RAI1: variants seen among roughly 807,000 people sequenced by gnomAD.
RAI1 encodes the protein retinoic acid induced 1.
RAI1 carries 9 observed loss-of-function variants against 123.8 expected under a neutral mutation model. The observed-to-expected ratio is 0.07, with a 90% CI of 0.04 to 0.13. RAI1 has a LOEUF of 0.13. Ranked by LOEUF, RAI1 falls within the 10% of genes least tolerant of loss-of-function variation. The pLI, the probability that RAI1 is intolerant of heterozygous loss-of-function variation, is 1.00. For synonymous variants in RAI1, 1,231 were observed against 1,127.3 expected (o/e 1.09, Z -1.84); for missense variants, 2,256 against 2,545.8 (o/e 0.89, Z 2.45).
At chr17:17,715,830 T>C (rs1200999281) in intron 1 of RAI1, among the ~76,000 whole-genome samples, 1 of 152,172 alleles carries the variant, frequency 6.6e-6, no homozygotes, top group Non-Finnish European at 1.5e-5. Flanking sequence ...ACTTGGAGGC[T>C]GTGAGAGGGC....
Position 17,797,403 on chromosome 17 carries a change from A to G in RAI1, c.4455A>G (p.Gln1485=). The part of the protein sequence containing the change: ...LTPRDRASGT[Q]GASEDNSGGG... ...CCCGAGACAGGGCCAGTGGCACACAAGGGGCCAGTGAGGACAACTCTGGTG... is the reference window on the plus strand; with the variant it reads ...CCCGAGACAGGGCCAGTGGCACACAGGGGGCCAGTGAGGACAACTCTGGTG... Residue 1485 remains glutamine (Q), a synonymous_variant, in exon 3 of 6, where the codon CAA becomes CAG. Coordinates refer to ENST00000353383, the MANE Select transcript of RAI1 (RefSeq NM_030665.4). The G allele has an allele frequency of 6.2e-7, 1 of 1,612,934 alleles. No homozygotes were observed. Among genetic ancestry groups the G allele is most frequent in the Non-Finnish European group, 8.5e-7 (1 of 1,179,816 alleles).
chr17:17,685,453 G>A lies in RAI1; in HGVS notation c.-149+3660G>A, dbSNP rs772374794. Among the ~76,000 whole-genome samples, 17 of 152,364 alleles carry A rather than the reference G, an allele frequency of 1.1e-4. No homozygotes were observed. Among genetic ancestry groups the A allele is most frequent in the Middle Eastern group, 3.4e-3 (1 of 294 alleles). On this transcript the variant is annotated intron_variant, in intron 1 of 5. Coordinates refer to ENST00000353383, the MANE Select transcript of RAI1 (RefSeq NM_030665.4). The surrounding 1 kb of genome is among the most constrained non-coding windows in gnomAD (Gnocchi z 4.0). ...GCCTTTGAGCAGGTGCTTCAGGCAC[G>A]GCGAGGTAAGAGTGAGAGGAGCATT... is the stretch of plus-strand genomic sequence containing the variant.
At chr17:17,749,127 G>A in intron 2 of RAI1, among the ~76,000 whole-genome samples, 1 of 152,228 alleles carries the variant, frequency 6.6e-6, no homozygotes, top group East Asian at 1.9e-4. Context: ...CTGAATGGCG[G>A]CCAGCATCTG....
At chr17:17,688,025 C>CAAAAAAAAAAAA (rs61049701) in intron 1 of RAI1, among the ~76,000 whole-genome samples, 2 of 90,074 alleles carry the variant, frequency 2.2e-5, no homozygotes, top group Non-Finnish European at 4.2e-5. Flanking sequence ...GACTCTGTCT[C>CAAAAAAAAAAAA]AAAAAAAAAA....
intron 1 of RAI1, among the ~76,000 whole-genome samples, chr17:17,710,342 G>A (rs993734741): frequency 2.0e-5 from 3 of 152,170 alleles, no homozygotes; most frequent in Non-Finnish European, 2.9e-5. Context: ...AGACCCCGGG[G>A]TACCCATCCC....
intron 3 of RAI1, among the ~76,000 whole-genome samples, chr17:17,803,474 GC>G (rs1363428474): frequency 1.3e-5 from 2 of 151,950 alleles, no homozygotes; most frequent in Admixed American, 1.3e-4. Flanking sequence ...TCGGCTCACT[GC>G]AGCCTCAACC....
chr17:17,748,499 C>T (rs1447965510), intron 2 of RAI1, among the ~76,000 whole-genome samples: 4 of 152,158 alleles, frequency 2.6e-5, no homozygotes, highest in Non-Finnish European at 2.9e-5. Context: ...TCACATACAT[C>T]GTCATGTTTA....
chr17:17,780,373 CT>C (rs995600778), intron 2 of RAI1, among the ~76,000 whole-genome samples: 1 of 152,086 alleles, frequency 6.6e-6, no homozygotes, highest in African/African-American at 2.4e-5. Flanking sequence ...GCCACCCACC[CT>C]TTTTTTCTCC....
In RAI1 at chr17:17,799,471, C is replaced by T. The variant is rs2143003961; in HGVS notation, c.5565+958C>T. ...GTGGGGTGCACCTCTCCCCCGGGGC[C>T]ATGCTTCTGCCCCCACATTCAACCC... On this transcript the variant is annotated intron_variant, in intron 3 of 5. Transcript: ENST00000353383. This position sits in a 1 kb window ranked among gnomAD's most constrained non-coding sequence, Gnocchi z 4.5. Among the ~76,000 whole-genome samples the T allele has an allele frequency of 6.6e-6, 1 of 152,240 alleles. No homozygotes were observed. The highest frequency in any genetic ancestry group is 2.1e-4 in the South Asian group (1 of 4,826).
chr17:17,714,392 T>C lies in RAI1; in HGVS notation c.-148-9636T>C, dbSNP rs1368039133. On this transcript the variant is annotated intron_variant, in intron 1 of 5. Transcript: ENST00000353383. The surrounding 1 kb of genome is among the most constrained non-coding windows in gnomAD (Gnocchi z 4.9). ...GCATAACCAAGTAGGATTTCCACAT[T>C]CAGTGTCTAGGCCATCGCTGTGAAA... 6.6e-6 allele frequency among the ~76,000 whole-genome samples: 1 copy of C among 152,198 alleles called. No individual in the cohort carries two copies. The highest frequency in any genetic ancestry group is 1.5e-5 in the Non-Finnish European group (1 of 68,034).
Position 17,793,762 on chromosome 17 carries a change from G to GCA in RAI1, c.814_815insCA (p.Gly272AlafsTer93). ...CCAGAATCTTCATGCCTACCAGTCG[G>GCA]GCCGCCTCAGCTATGACCAGCAGCA... On this transcript the variant is annotated frameshift_variant, in exon 3 of 6. Transcript: ENST00000353383. LOFTEE classifies it high-confidence loss of function. The GCA allele has an allele frequency of 6.2e-7, 1 of 1,609,894 alleles. No homozygotes were observed. Among genetic ancestry groups the GCA allele is most frequent in the Non-Finnish European group, 8.5e-7 (1 of 1,179,666 alleles).
intron 2 of RAI1, among the ~76,000 whole-genome samples, chr17:17,733,917 C>T (rs544187269): frequency 6.6e-6 from 1 of 152,096 alleles, no homozygotes; most frequent in African/African-American, 2.4e-5. Context: ...ACCCGGGGCC[C>T]CCTCACCACC....
chr17:17,793,887 CTACGGGCAGCAA>C lies in RAI1; in HGVS notation c.940_951del (p.Tyr314_Gln317del), dbSNP rs1436207509. ...ACCAAAACCTCGCCAAGTATCAGCA[CTACGGGCAGCAA>C]GGCCAGGGCTACTGCCAGCCGGACG... is the stretch of plus-strand genomic sequence containing the variant. On this transcript the variant is annotated inframe_deletion, in exon 3 of 6. Coordinates refer to ENST00000353383, the MANE Select transcript of RAI1 (RefSeq NM_030665.4). 1 of 1,613,836 alleles carries C rather than the reference CTACGGGCAGCAA, an allele frequency of 6.2e-7. No homozygotes were observed. Among genetic ancestry groups the C allele is most frequent in the South Asian group, 1.1e-5 (1 of 91,082 alleles).
At chr17:17,748,049 G>T (rs917298197) in intron 2 of RAI1, among the ~76,000 whole-genome samples, 20 of 152,244 alleles carry the variant, frequency 1.3e-4, no homozygotes, top group African/African-American at 4.6e-4. Context: ...GGGCGACAGA[G>T]CAAGACCAGT....
intron 2 of RAI1, among the ~76,000 whole-genome samples, chr17:17,726,978 GA>G (rs1195379910): frequency 5.3e-5 from 8 of 152,164 alleles, no homozygotes; most frequent in Non-Finnish European, 1.5e-5. Context: ...CAATCAAGTG[GA>G]TGTACCATAA....
In RAI1 at chr17:17,794,599, G is replaced by A. The variant is rs755078690; in HGVS notation, c.1651G>A (p.Glu551Lys). ...CAACAGCAACTCGAAGGCCAAGCCC[G>A]AGTCCGTGTCCACCTGTTCTGTGAC... ...RVNSNSKAKP[E>K]SVSTCSVTSP... The change falls in exon 3 of 6, where the codon GAG (glutamate) becomes AAG (lysine). Residue 551 changes from glutamate (E) to lysine (K), a missense_variant. This residue lies in a region of RAI1 where 357 missense variants were observed against 480.2 expected (regional missense o/e 0.74). Coordinates refer to ENST00000353383, the MANE Select transcript of RAI1 (RefSeq NM_030665.4). 8 of 1,613,222 alleles carry A rather than the reference G, an allele frequency of 5.0e-6. No individual in the cohort carries two copies. Among genetic ancestry groups the A allele is most frequent in the South Asian group, 2.2e-5 (2 of 91,090 alleles).
chr17:17,803,891 C>T (rs2032541318), intron 4 of RAI1, 42 bp downstream of exon 4: 3 of 1,578,972 alleles, frequency 1.9e-6, no homozygotes, highest in African/African-American at 2.7e-5. Flanking sequence ...GGAGCCCATC[C>T]AAGCAGTCCA....
chr17:17,757,987 C>T (rs987808100), intron 2 of RAI1, among the ~76,000 whole-genome samples: 2 of 152,258 alleles, frequency 1.3e-5, no homozygotes, highest in African/African-American at 4.8e-5. Flanking sequence ...GAGCTCCCAG[C>T]TCATGCCTCT....
chr17:17,779,584 T>C lies in RAI1; in HGVS notation c.-16-13349T>C, dbSNP rs537199450. On this transcript the variant is annotated intron_variant, in intron 2 of 5. Transcript: ENST00000353383. ...TTGAAGAGTGTGGCACATGGCTACA[T>C]AGGGTTTGTATTTGGTCTACAGATG... The C allele has an allele frequency of 2.6e-5, 4 of 152,636 alleles. No homozygotes were observed. In the South Asian group the frequency reaches 6.2e-4, roughly 24 times the overall value. 9.5% of individuals were successfully genotyped at this position (152,636 alleles called of 1,614,324 possible).
Sources: gnomAD v4.1 joint callset for allele counts (sites outside exome capture counted in the v4.1 genomes callset) on GRCh38, gnomAD v4.1.1 for gene constraint, gnomAD v4.1.1 regional missense constraint, Gnocchi (gnomAD v3.1) non-coding constraint, MANE v1.5 for transcripts, NCBI Gene and HGNC (gene_info 2026-07-23, HGNC 2026-07-21) for gene names.